OGDHL: variants seen among roughly 807,000 people sequenced by gnomAD.
OGDHL encodes the protein 2-oxoglutarate dehydrogenase-like, mitochondrial.
OGDHL carries 79 observed loss-of-function variants against 109.6 expected under a neutral mutation model. The ratio of observed to expected loss-of-function variants is 0.72; its 90% confidence interval spans 0.60 to 0.87. The LOEUF (loss-of-function observed/expected upper bound fraction) is 0.87, where lower values mean the gene tolerates loss of function less well. Ranked by LOEUF, OGDHL falls within the 40% of genes least tolerant of loss-of-function variation. The pLI, the probability that OGDHL is intolerant of heterozygous loss-of-function variation, is 0.00. For missense variants in OGDHL, 1,275 were observed against 1,362.2 expected (o/e 0.94, Z 1.01); for synonymous variants, 528 against 537.2 (o/e 0.98, Z 0.24).
chr10:49,746,663 G>A, intron 10 of OGDHL, 87 bp downstream of exon 10: 1 of 1,541,588 alleles, frequency 6.5e-7, no homozygotes, highest in South Asian at 1.2e-5. Flanking sequence ...CTCAGAGCCA[G>A]GAGCATCTCA....
intron 16 of OGDHL, among the ~76,000 whole-genome samples, chr10:49,740,119 C>T (rs907484449): frequency 6.6e-6 from 1 of 152,148 alleles, no homozygotes; most frequent in African/African-American, 2.4e-5. Context: ...CTGTCAAGAA[C>T]TCCTTAAAAA....
Position 49,742,913 on chromosome 10 carries a change from C to T in OGDHL, c.1927G>A (p.Ala643Thr), listed in dbSNP as rs1199071342. Residue 643 changes from alanine to threonine, a missense_variant, in exon 15 of 23, where the codon GCA becomes ACA. Ala to Thr is a moderately conservative substitution (Grantham distance 58). Coordinates refer to ENST00000374103, the MANE Select transcript of OGDHL (RefSeq NM_018245.3). ...TKNRTVDWAL[A>T]EYMAFGSLLK... The stretch of plus-strand genomic sequence containing the variant: ...AGGGAGCCAAAGGCCATGTACTCTG[C>T]CAACGCCCAGTCCACCGTCCGGTTC... 25 of 1,613,906 alleles carry T rather than the reference C, an allele frequency of 1.5e-5. No individual in the cohort carries two copies. The highest frequency in any genetic ancestry group is 2.1e-5 in the Non-Finnish European group (25 of 1,180,014).
At chr10:49,751,730 C>G (rs1169566258) in intron 6 of OGDHL, 97 bp downstream of exon 6, 20 of 1,464,072 alleles carry the variant, frequency 1.4e-5, no homozygotes, top group Non-Finnish European at 1.8e-5. Context: ...TCCTGCCTTC[C>G]TGTGGTACCC....
intron 21 of OGDHL, 81 bp downstream of exon 21, chr10:49,736,276 C>A: frequency 6.3e-7 from 1 of 1,588,938 alleles, no homozygotes; most frequent in Non-Finnish European, 8.6e-7. Context: ...CTTCATCTGG[C>A]CTGCCTGGCA....
At chr10:49,740,968 C>T (rs956101091) in intron 15 of OGDHL, 131 bp from the exon 16 acceptor site, 3 of 1,154,532 alleles carry the variant, frequency 2.6e-6, no homozygotes, top group South Asian at 2.9e-5. Context: ...CAGGGTCCCA[C>T]AACATGGCAT....
At chr10:49,754,707 C>T (rs7070955) in intron 3 of OGDHL, among the ~76,000 whole-genome samples, 4,800 of 151,436 alleles carry the variant, frequency 0.032, 104 homozygotes, top group South Asian at 0.095. Flanking sequence ...TCTATGGGAT[C>T]GAGCCTCTAG....
intron 3 of OGDHL, among the ~76,000 whole-genome samples, chr10:49,755,555 C>T (rs767631585): frequency 1.2e-4 from 19 of 152,096 alleles, no homozygotes; most frequent in Non-Finnish European, 2.5e-4. Context: ...TATAATAATA[C>T]AGTGTTTTTT....
intron 1 of OGDHL, among the ~76,000 whole-genome samples, chr10:49,761,405 A>G (rs888242788): frequency 6.6e-6 from 1 of 152,252 alleles, no homozygotes; most frequent in Non-Finnish European, 1.5e-5. Context: ...AGAGATCAGT[A>G]AACAGAGGCC....
At position 49,735,106 on chromosome 10, in the gene OGDHL, G is replaced by A; in HGVS notation, c.*122C>T. On this transcript the variant is annotated 3_prime_UTR_variant, in exon 23 of 23. Transcript: ENST00000374103. The stretch of plus-strand genomic sequence containing the variant: ...TGCTGGCTCTTGGCCCTGTCACTGT[G>A]TCTGTTTTATCCTGGGGCCCCACAG... 1.6e-6 allele frequency: 2 copies of A among 1,245,602 alleles called. No individual in the cohort carries two copies. Among genetic ancestry groups the A allele is most frequent in the Non-Finnish European group, 2.2e-6 (2 of 894,226 alleles). The allele number at this position is 1,245,602 out of a possible 1,614,324, so 77.2% of individuals were successfully genotyped here.
rs763382784 is a variant in OGDHL at position 49,747,053 on chromosome 10, G to A, written c.1143C>T (p.Tyr381=). 4 of 1,614,076 alleles carry A rather than the reference G, an allele frequency of 2.5e-6. No individual in the cohort carries two copies. The highest frequency in any genetic ancestry group is 1.1e-5 in the South Asian group (1 of 91,084). ...VQGKTKAEQF[Y]RGDAQGKKVM... is the part of the protein sequence containing the mutation. Reference sequence around the variant, plus strand: ...CCTTCTTGCCCTGGGCATCTCCACGGTAGAACTGCTCTGCCTTTGTCTTCC... The same window carrying A: ...CCTTCTTGCCCTGGGCATCTCCACGATAGAACTGCTCTGCCTTTGTCTTCC... Residue 381 remains tyrosine (Y), a synonymous_variant, in exon 9 of 23, where the codon TAC becomes TAT. Transcript: ENST00000374103.
At chr10:49,737,686 AC>A (rs1841300002) in intron 20 of OGDHL, 99 bp downstream of exon 20, 15 of 1,314,576 alleles carry the variant, frequency 1.1e-5, no homozygotes, top group Non-Finnish European at 2.2e-6. Context: ...CAGCAGAGCC[AC>A]AGGCAGAGGG....
chr10:49,751,873 T>C lies in OGDHL; in HGVS notation c.703A>G (p.Ser235Gly). ...FETPGVMQFSSEEKRTLLARL... is the reference protein window; with the variant it reads ...FETPGVMQFSGEEKRTLLARL... ...GCCAGCAGGGTCCGCTTCTCCTCGCTGGAGAACTGCATCACACCAGGGGTC... is the reference window on the plus strand; with the variant it reads ...GCCAGCAGGGTCCGCTTCTCCTCGCCGGAGAACTGCATCACACCAGGGGTC... The change falls in exon 6 of 23, where the codon AGC (serine) becomes GGC (glycine). Residue 235 changes from serine (S) to glycine (G), a missense_variant. Ser to Gly is a moderately conservative substitution (Grantham distance 56). Coordinates refer to ENST00000374103, the MANE Select transcript of OGDHL (RefSeq NM_018245.3). 1.2e-6 allele frequency: 2 copies of C among 1,614,198 alleles called. No individual in the cohort carries two copies. The highest frequency in any genetic ancestry group is 1.7e-6 in the Non-Finnish European group (2 of 1,180,042).
intron 15 of OGDHL, 77 bp from the exon 16 acceptor site, chr10:49,740,914 C>G: frequency 6.4e-7 from 1 of 1,570,942 alleles, no homozygotes; most frequent in Non-Finnish European, 8.7e-7. Context: ...GGGAGCTGGG[C>G]AGCAGGAGGC....
At chr10:49,739,943 C>A in intron 16 of OGDHL, 104 bp from the exon 17 acceptor site, 1 of 1,224,422 alleles carries the variant, frequency 8.2e-7, no homozygotes, top group Non-Finnish European at 1.1e-6. Context: ...CCCCACCCAT[C>A]CTTCTCACAA....
chr10:49,749,874 TC>T (rs1239778543), intron 7 of OGDHL, 58 bp from the exon 8 acceptor site: 1 of 1,459,652 alleles, frequency 6.9e-7, no homozygotes. Context: ...CAGGGTTCCC[TC>T]CCCCACTGTG....
intron 8 of OGDHL, among the ~76,000 whole-genome samples, chr10:49,748,134 T>G (rs1842326434): frequency 6.6e-6 from 1 of 152,166 alleles, no homozygotes; most frequent in South Asian, 2.1e-4. Context: ...GCCGCTGCAC[T>G]GCTCGGACAC....
In OGDHL at chr10:49,747,015, C is replaced by G. The variant is rs758088818; in HGVS notation, c.1167+14G>C. ...AAGGGCCCAGGTCCTCTGGGTTCCC[C>G]CAGGTGAGCTCACCTTCTTGCCCTG... On this transcript the variant is annotated intron_variant, in intron 9 of 22. Transcript: ENST00000374103. 2 of 1,613,038 alleles carry G rather than the reference C, an allele frequency of 1.2e-6. No individual in the cohort carries two copies. The highest frequency in any genetic ancestry group is 3.3e-5 in the Admixed American group (2 of 59,984).
chr10:49,751,190 G>A (rs555660149), intron 6 of OGDHL, among the ~76,000 whole-genome samples: 2 of 152,176 alleles, frequency 1.3e-5, no homozygotes, highest in East Asian at 3.9e-4. Context: ...GGGGAGGCTA[G>A]GCATCTTCCC....
At chr10:49,740,560 G>C (rs555397043) in intron 16 of OGDHL, 150 bp downstream of exon 16, 2 of 970,484 alleles carry the variant, frequency 2.1e-6, no homozygotes, top group African/African-American at 3.3e-5. Context: ...TTAGGTGAGG[G>C]CAGCCCAATC....
Sources: allele counts gnomAD v4.1 joint callset (sites outside exome capture counted in the v4.1 genomes callset), GRCh38; gene constraint gnomAD v4.1.1; transcripts MANE v1.5; gene names NCBI Gene and HGNC (gene_info 2026-07-23, HGNC 2026-07-21).